PRMT3: variants seen among roughly 807,000 people sequenced by gnomAD.
The protein encoded by PRMT3 is protein arginine methyltransferase 3, also known as protein arginine N-methyltransferase 3.
A neutral mutation model predicts 71.9 loss-of-function variants in PRMT3; 62 were observed. That is an observed-to-expected ratio of 0.86 (90% CI 0.70 to 1.07). The LOEUF is 1.07. PRMT3 is among the 50% of genes least tolerant of loss of function. The pLI is 0.00. For missense variants in PRMT3, 663 were observed against 643.0 expected (o/e 1.03, Z -0.34); for synonymous variants, 213 against 220.4 (o/e 0.97, Z 0.30).
intron 15 of PRMT3, 92 bp downstream of exon 15, chr11:20,494,346 A>G (rs1851285120): frequency 1.8e-6 from 2 of 1,138,186 alleles, no homozygotes; most frequent in East Asian, 2.4e-5. Flanking sequence ...TGCACACTAT[A>G]TTTGTTTTTT....
intron 13 of PRMT3, among the ~76,000 whole-genome samples, chr11:20,487,912 AT>A (rs2133444604): frequency 6.6e-6 from 1 of 152,342 alleles, no homozygotes; most frequent in Non-Finnish European, 1.5e-5. Flanking sequence ...ATCTTGAAAT[AT>A]TCTATGTAGA....
At chr11:20,420,961 AAG>A (rs1849412444) in intron 9 of PRMT3, among the ~76,000 whole-genome samples, 1 of 152,232 alleles carries the variant, frequency 6.6e-6, no homozygotes, top group Non-Finnish European at 1.5e-5. Flanking sequence ...ATACATTAGA[AAG>A]AAGCTATAAA....
At position 20,407,930 on chromosome 11, in the gene PRMT3, G is replaced by A. The variant is rs762608745; in HGVS notation, c.791G>A (p.Cys264Tyr). Residue 264 changes from cysteine to tyrosine, a missense_variant, in exon 9 of 16, where the codon TGT becomes TAT. By Grantham distance (194) the Cys-to-Tyr change is radical (BLOSUM62 -2). Transcript: ENST00000331079. ...FKDKVVLDVG[C>Y]GTGILSMFAA... Reference sequence around the variant, plus strand: ...CCCTAGGTAGTTTTGGATGTTGGGTGTGGAACTGGAATTCTCTCTATGTTT... The same window carrying A: ...CCCTAGGTAGTTTTGGATGTTGGGTATGGAACTGGAATTCTCTCTATGTTT... 6.2e-7 allele frequency: 1 copy of A among 1,611,450 alleles called. No individual in the cohort carries two copies. The highest frequency in any genetic ancestry group is 8.5e-7 in the Non-Finnish European group (1 of 1,178,016).
rs531735227 is a variant in PRMT3 at position 20,431,377 on chromosome 11, T to C, written c.993+4512T>C. ...TTACCTACTTCATAAGGTTTTTTTG[T>C]GAGGATTAAATGAGTTAATACATGC... On this transcript the variant is annotated intron_variant, in intron 10 of 15. Transcript: ENST00000331079. Among the ~76,000 whole-genome samples, 3 of 152,190 alleles carry C rather than the reference T, an allele frequency of 2.0e-5. No individual in the cohort carries two copies. In the South Asian group the frequency reaches 6.2e-4, roughly 32 times the overall value.
chr11:20,442,424 TTTC>T (rs1026820399), intron 10 of PRMT3, among the ~76,000 whole-genome samples: 26 of 152,284 alleles, frequency 1.7e-4, no homozygotes, highest in African/African-American at 4.8e-4. Context: ...GGACATTCTG[TTTC>T]TTCTTCTGTT....
At chr11:20,421,499 C>T (rs563791882) in intron 9 of PRMT3, among the ~76,000 whole-genome samples, 19 of 152,274 alleles carry the variant, frequency 1.2e-4, no homozygotes, top group Middle Eastern at 3.4e-3. Context: ...TGACCTTGAT[C>T]ATTATCTCCT....
chr11:20,471,187 G>GT (rs1201385383), intron 13 of PRMT3, among the ~76,000 whole-genome samples: 2 of 152,102 alleles, frequency 1.3e-5, no homozygotes, highest in Non-Finnish European at 2.9e-5. Flanking sequence ...TCTGATGATA[G>GT]TTTCTTTTGC....
chr11:20,430,496 A>G (rs550641120), intron 10 of PRMT3, among the ~76,000 whole-genome samples: 13 of 152,226 alleles, frequency 8.5e-5, no homozygotes, highest in African/African-American at 1.2e-4. Context: ...TGCTGTTAGC[A>G]TGTTATTTAA....
intron 10 of PRMT3, among the ~76,000 whole-genome samples, chr11:20,439,017 G>A (rs1430928233): frequency 1.3e-5 from 2 of 152,192 alleles, no homozygotes; most frequent in East Asian, 1.9e-4. Context: ...CCAGACTGGG[G>A]TGGTTCAGCA....
chr11:20,404,211 GTTTTTTTTTTTTTTTTTTTT>G (rs71063629), intron 8 of PRMT3, among the ~76,000 whole-genome samples: 2 of 34,338 alleles, frequency 5.8e-5, no homozygotes, highest in East Asian at 2.5e-3. Flanking sequence ...ACTTTTCATA[GTTTTTTTTTTTTTTTTTTTT>G]TTTTTTTTTT....
chr11:20,503,022 T>TAGATAGAATTATTATAGATA (rs1565242492), intron 15 of PRMT3, among the ~76,000 whole-genome samples: 1 of 152,182 alleles, frequency 6.6e-6, no homozygotes, highest in Admixed American at 6.5e-5. Context: ...ATACCTTTTA[T>TAGATAGAATTATTATAGATA]GAAGGAATTA....
chr11:20,458,554 A>G (rs1019164007), intron 11 of PRMT3, among the ~76,000 whole-genome samples: 10 of 152,218 alleles, frequency 6.6e-5, no homozygotes, highest in Admixed American at 2.0e-4. Flanking sequence ...TATAGCTTCT[A>G]TCTGACAAAA....
At chr11:20,477,810 C>G (rs957074980) in intron 13 of PRMT3, among the ~76,000 whole-genome samples, 1 of 144,118 alleles carries the variant, frequency 6.9e-6, no homozygotes, top group Non-Finnish European at 1.5e-5. Flanking sequence ...AAACCCCCCC[C>G]CCCCACTTCC....
chr11:20,397,630 C>T lies in PRMT3; in HGVS notation c.614C>T (p.Ser205Phe). 1 of 1,614,098 alleles carries T rather than the reference C, an allele frequency of 6.2e-7. No individual in the cohort carries two copies. Among genetic ancestry groups the T allele is most frequent in the East Asian group, 2.2e-5 (1 of 44,878 alleles). The change falls in exon 7 of 16, where the codon TCT becomes TTT. Residue 205 changes from serine to phenylalanine, a missense_variant. Coordinates refer to ENST00000331079, the MANE Select transcript of PRMT3 (RefSeq NM_005788.4). ...MHTDVRTCSSSTSVIADLQED... is the reference protein window; with the variant it reads ...MHTDVRTCSSFTSVIADLQED... ...ACAGATGTCAGAACCTGCTCGTCAT[C>T]TACTAGTGTCATTGCGGACCTCCAG...
At chr11:20,389,255 T>TA (rs1402879489) in intron 2 of PRMT3, among the ~76,000 whole-genome samples, 2 of 152,332 alleles carry the variant, frequency 1.3e-5, no homozygotes, top group African/African-American at 4.8e-5. Context: ...ACGTTGGGAA[T>TA]ACTACAAGAT....
chr11:20,461,959 T>C, intron 11 of PRMT3, 21 bp from the exon 12 acceptor site: 1 of 1,495,494 alleles, frequency 6.7e-7, no homozygotes, highest in Admixed American at 2.0e-5. Flanking sequence ...GCTTAATTGT[T>C]GGGCATTTTG....
intron 7 of PRMT3, among the ~76,000 whole-genome samples, chr11:20,401,379 A>G (rs950935485): frequency 1.3e-5 from 2 of 152,188 alleles, no homozygotes; most frequent in Non-Finnish European, 1.5e-5. Context: ...TAGTTAATAT[A>G]TATACATTTA....
intron 13 of PRMT3, among the ~76,000 whole-genome samples, chr11:20,470,856 CA>C (rs1423373867): frequency 2.0e-5 from 3 of 152,140 alleles, no homozygotes; most frequent in Non-Finnish European, 2.9e-5. Context: ...ACATTTCCAC[CA>C]ACCATGTAAA....
intron 10 of PRMT3, among the ~76,000 whole-genome samples, chr11:20,444,196 C>G (rs975618096): frequency 1.3e-5 from 2 of 151,934 alleles, no homozygotes; most frequent in African/African-American, 4.8e-5. Context: ...TTACTCAGGA[C>G]CCACCCCTGG....
Sources: allele counts gnomAD v4.1 joint callset (sites outside exome capture counted in the v4.1 genomes callset), GRCh38; gene constraint gnomAD v4.1.1; transcripts MANE v1.5; gene names NCBI Gene and HGNC (gene_info 2026-07-23, HGNC 2026-07-21).